The following GNAQ variants were observed in gnomAD, a reference collection of about 807,000 sequenced individuals.
GNAQ encodes the protein G protein subunit alpha q, also known as guanine nucleotide-binding protein G(q) subunit alpha.
In GNAQ, 8 loss-of-function variants were observed where a neutral mutation model predicts 43.9. The observed-to-expected ratio is 0.18, with a 90% CI of 0.11 to 0.33. The LOEUF (loss-of-function observed/expected upper bound fraction) is 0.33. Ranked by LOEUF, GNAQ falls within the 10% of genes least tolerant of loss-of-function variation. GNAQ has a pLI of 1.00. For missense variants in GNAQ, 158 were observed against 450.8 expected (o/e 0.35, Z 5.88); for synonymous variants, 155 against 170.7 (o/e 0.91, Z 0.71).
chr9:77,722,054 T>C (rs895362707), intron 6 of GNAQ, among the ~76,000 whole-genome samples: 3 of 152,190 alleles, frequency 2.0e-5, no homozygotes, highest in Non-Finnish European at 4.4e-5. Flanking sequence ...CTCACTTCCA[T>C]AGATTTCTGG....
intron 2 of GNAQ, among the ~76,000 whole-genome samples, chr9:77,904,081 G>C (rs953193559): frequency 3.9e-5 from 6 of 152,258 alleles, no homozygotes; most frequent in African/African-American, 1.4e-4. Flanking sequence ...CAGACTTGCT[G>C]ATCTTAGATA....
At chr9:77,798,398 C>T (rs1350452812) in intron 3 of GNAQ, among the ~76,000 whole-genome samples, 2 of 152,172 alleles carry the variant, frequency 1.3e-5, no homozygotes, top group African/African-American at 4.8e-5. Flanking sequence ...CTTTACCCAG[C>T]TTCCCCAAAC....
At chr9:77,725,993 A>G (rs1463290965) in intron 6 of GNAQ, among the ~76,000 whole-genome samples, 1 of 151,330 alleles carries the variant, frequency 6.6e-6, no homozygotes, top group Non-Finnish European at 1.5e-5. Flanking sequence ...CCAAGTTCCA[A>G]GAAAAATTAA....
chr9:77,834,934 A>C (rs1320665380), intron 2 of GNAQ, among the ~76,000 whole-genome samples: 1 of 152,224 alleles, frequency 6.6e-6, no homozygotes, highest in East Asian at 1.9e-4. Flanking sequence ...ATACTGGTTG[A>C]GTTTTCAACT....
chr9:77,752,744 A>C (rs1435688368), intron 5 of GNAQ, among the ~76,000 whole-genome samples: 2 of 152,148 alleles, frequency 1.3e-5, no homozygotes, highest in Non-Finnish European at 2.9e-5. Context: ...TCTGCATGTA[A>C]ATTTTATCTT....
intron 1 of GNAQ, among the ~76,000 whole-genome samples, chr9:77,929,508 T>G (rs1300061023): frequency 6.6e-6 from 1 of 152,136 alleles, no homozygotes. Context: ...TCTAGGTAAA[T>G]GTACTTTTTC....
chr9:77,970,309 T>C (rs1022311964), intron 1 of GNAQ, among the ~76,000 whole-genome samples: 8 of 152,098 alleles, frequency 5.3e-5, no homozygotes, highest in Non-Finnish European at 1.2e-4. Flanking sequence ...TCCTGCTCAG[T>C]TCCACATTGC....
chr9:77,931,450 G>A lies in GNAQ; in HGVS notation c.137-9105C>T, dbSNP rs141349758. Reference sequence around the variant, plus strand: ...TACCAAAAATACAAAAATTAGCCAGGCATGGTGGCAAGCACCTGTGGTCCC... The same window carrying A: ...TACCAAAAATACAAAAATTAGCCAGACATGGTGGCAAGCACCTGTGGTCCC... On this transcript the variant is annotated intron_variant, in intron 1 of 6. Transcript: ENST00000286548. Among the ~76,000 whole-genome samples, 300 of 152,148 alleles carry A rather than the reference G, an allele frequency of 2.0e-3. 1 individual carries two copies. Among genetic ancestry groups the A allele is most frequent in the African/African-American group, 6.7e-3 (277 of 41,530 alleles).
At chr9:77,992,116 T>C (rs1823515414) in intron 1 of GNAQ, among the ~76,000 whole-genome samples, 1 of 152,250 alleles carries the variant, frequency 6.6e-6, no homozygotes, top group South Asian at 2.1e-4. Context: ...ATGGTAGTTC[T>C]ACTTTTAGTT....
At chr9:77,996,677 C>CAAAAAAA (rs3083223) in intron 1 of GNAQ, among the ~76,000 whole-genome samples, 273 of 104,632 alleles carry the variant, frequency 2.6e-3, no homozygotes, top group Non-Finnish European at 3.1e-3. Flanking sequence ...GACTCCATCT[C>CAAAAAAA]AAAAAAAAAA....
intron 1 of GNAQ, among the ~76,000 whole-genome samples, chr9:77,973,686 G>A (rs548903672): frequency 5.9e-5 from 9 of 152,070 alleles, no homozygotes; most frequent in East Asian, 1.9e-4. Flanking sequence ...GCATGGTGGC[G>A]TGTGCCTATG....
At position 77,860,279 on chromosome 9, in the gene GNAQ, C is replaced by T. The variant is rs1279569514; in HGVS notation, c.322-44509G>A. Among the ~76,000 whole-genome samples, 4 of 152,108 alleles carry T rather than the reference C, an allele frequency of 2.6e-5. No individual in the cohort carries two copies. In the East Asian group the frequency reaches 7.7e-4, roughly 29 times the overall value. Reference sequence around the variant, plus strand: ...TTGGTTTCTCTGTGCTCTCTTAGTCCTGTTCAGACAGCCCATCTTTCTGAC... The same window carrying T: ...TTGGTTTCTCTGTGCTCTCTTAGTCTTGTTCAGACAGCCCATCTTTCTGAC... On this transcript the variant is annotated intron_variant, in intron 2 of 6. Coordinates refer to ENST00000286548, the MANE Select transcript of GNAQ (RefSeq NM_002072.5).
At chr9:77,802,191 A>C (rs910989741) in intron 3 of GNAQ, among the ~76,000 whole-genome samples, 1 of 151,920 alleles carries the variant, frequency 6.6e-6, no homozygotes, top group Non-Finnish European at 1.5e-5. Flanking sequence ...AAAACAAAAA[A>C]CAAAAAAACC....
intron 1 of GNAQ, among the ~76,000 whole-genome samples, chr9:77,938,443 A>G (rs1273990071): frequency 6.6e-6 from 1 of 152,256 alleles, no homozygotes; most frequent in Non-Finnish European, 1.5e-5. Flanking sequence ...AGACACTGGC[A>G]TGGCACAAAC....
intron 1 of GNAQ, among the ~76,000 whole-genome samples, chr9:78,009,960 T>C (rs1312438689): frequency 6.6e-6 from 1 of 152,204 alleles, no homozygotes; most frequent in Non-Finnish European, 1.5e-5. Context: ...CATGAACTGG[T>C]ACTGGTAGAG....
At chr9:77,786,173 C>T (rs1461804275) in intron 5 of GNAQ, among the ~76,000 whole-genome samples, 3 of 151,792 alleles carry the variant, frequency 2.0e-5, no homozygotes, top group Admixed American at 1.3e-4. Flanking sequence ...GTCATGAGAT[C>T]GAGACCATCC....
At chr9:77,931,970 C>T (rs1204808674) in intron 1 of GNAQ, among the ~76,000 whole-genome samples, 1 of 152,154 alleles carries the variant, frequency 6.6e-6, no homozygotes, top group African/African-American at 2.4e-5. Context: ...GGGGGGACAA[C>T]AAAACCTCAG....
intron 2 of GNAQ, among the ~76,000 whole-genome samples, chr9:77,864,635 G>A (rs775704448): frequency 2.6e-5 from 4 of 152,068 alleles, no homozygotes; most frequent in African/African-American, 4.8e-5. Flanking sequence ...ACAAGAAAAC[G>A]GACACTCCCC....
intron 1 of GNAQ, among the ~76,000 whole-genome samples, chr9:77,985,219 A>C (rs1168913401): frequency 1.3e-5 from 2 of 152,194 alleles, no homozygotes; most frequent in Non-Finnish European, 2.9e-5. Flanking sequence ...AGGCTGAGGC[A>C]GAAGAATGGC....
Sources: allele counts gnomAD v4.1 joint callset (sites outside exome capture counted in the v4.1 genomes callset), GRCh38; gene constraint gnomAD v4.1.1; transcripts MANE v1.5; gene names NCBI Gene and HGNC (gene_info 2026-07-23, HGNC 2026-07-21).